PLCB1: variants seen among roughly 807,000 people sequenced by gnomAD.
PLCB1 encodes phospholipase C beta 1, also known as 1-phosphatidylinositol 4,5-bisphosphate phosphodiesterase beta-1.
PLCB1 carries 46 observed loss-of-function variants against 161.8 expected under a neutral mutation model. That is an observed-to-expected ratio of 0.28 (90% confidence interval 0.22 to 0.36). The LOEUF is 0.36. Among genes scored for constraint, PLCB1 ranks in the 10% least tolerant of loss-of-function variants. The probability of loss-of-function intolerance (pLI) is 1.00; values close to 1 mark genes in which losing one functional copy is unlikely to be tolerated. For missense variants in PLCB1, 1,016 were observed against 1,472.5 expected, an observed-to-expected ratio of 0.69 and a Z score of 5.07; for synonymous variants, 517 against 503.7, an observed-to-expected ratio of 1.03 and a Z score of -0.35.
At chr20:8,201,891 C>A (rs1467498724) in intron 2 of PLCB1, among the ~76,000 whole-genome samples, 1 of 152,170 alleles carries the variant, frequency 6.6e-6, no homozygotes, top group African/African-American at 2.4e-5. Flanking sequence ...TTACCTACAA[C>A]ATGAATGAAG....
At chr20:8,510,851 T>G (rs2122849085) in intron 3 of PLCB1, among the ~76,000 whole-genome samples, 1 of 152,346 alleles carries the variant, frequency 6.6e-6, no homozygotes, top group Middle Eastern at 3.4e-3. Context: ...ATTTCATTTT[T>G]TGCAATTTTT....
At chr20:8,793,995 T>C (rs1983896727) in intron 31 of PLCB1, among the ~76,000 whole-genome samples, 1 of 152,224 alleles carries the variant, frequency 6.6e-6, no homozygotes, top group African/African-American at 2.4e-5. Context: ...TTCAGCGATA[T>C]TTCTCCCATT....
chr20:8,620,468 G>A (rs570219559), intron 3 of PLCB1, among the ~76,000 whole-genome samples: 6 of 152,058 alleles, frequency 3.9e-5, no homozygotes, highest in African/African-American at 1.4e-4. Context: ...GGCTGGGCAC[G>A]GTGGCTCACA....
intron 2 of PLCB1, among the ~76,000 whole-genome samples, chr20:8,310,965 G>A (rs985735819): frequency 6.6e-6 from 1 of 152,116 alleles, no homozygotes; most frequent in African/African-American, 2.4e-5. Context: ...TGGGCACCTG[G>A]GTTGATGCCA....
intron 2 of PLCB1, among the ~76,000 whole-genome samples, chr20:8,202,629 C>T (rs1260457649): frequency 6.6e-6 from 1 of 152,114 alleles, no homozygotes; most frequent in African/African-American, 2.4e-5. Context: ...GGTTTGCTTG[C>T]TTGTTTATTT....
chr20:8,568,597 C>T (rs1008041141), intron 3 of PLCB1, among the ~76,000 whole-genome samples: 2 of 152,074 alleles, frequency 1.3e-5, no homozygotes, highest in African/African-American at 4.8e-5. Flanking sequence ...TTTTAAAAGA[C>T]CAGTGTACAC....
At chr20:8,631,865 G>C (rs1396294484) in intron 4 of PLCB1, among the ~76,000 whole-genome samples, 2 of 152,080 alleles carry the variant, frequency 1.3e-5, no homozygotes, top group African/African-American at 4.8e-5. Context: ...CATGTAACTT[G>C]AAAATTAGAG....
At chr20:8,593,721 C>T (rs928992828) in intron 3 of PLCB1, among the ~76,000 whole-genome samples, 1 of 151,670 alleles carries the variant, frequency 6.6e-6, no homozygotes, top group Non-Finnish European at 1.5e-5. Flanking sequence ...TTTTGCAATA[C>T]TAATTTTGAT....
At chr20:8,609,142 A>G (rs1384840774) in intron 3 of PLCB1, among the ~76,000 whole-genome samples, 1 of 152,232 alleles carries the variant, frequency 6.6e-6, no homozygotes, top group Non-Finnish European at 1.5e-5. Flanking sequence ...CAACAGAGCA[A>G]AAATAGTCTT....
chr20:8,263,035 C>T (rs1274770944), intron 2 of PLCB1, among the ~76,000 whole-genome samples: 1 of 152,158 alleles, frequency 6.6e-6, no homozygotes, highest in Non-Finnish European at 1.5e-5. Flanking sequence ...TGGGGGAACA[C>T]ATAAACATTC....
intron 31 of PLCB1, among the ~76,000 whole-genome samples, chr20:8,798,698 G>T (rs558894004): frequency 6.6e-6 from 1 of 152,088 alleles, no homozygotes; most frequent in African/African-American, 2.4e-5. Flanking sequence ...TAAATCAACA[G>T]ATCAGCAACA....
chr20:8,184,899 G>A (rs560582718), intron 2 of PLCB1, among the ~76,000 whole-genome samples: 8 of 151,564 alleles, frequency 5.3e-5, no homozygotes, highest in Admixed American at 1.3e-4. Context: ...CCATCAACCC[G>A]TCATCTGCAT....
intron 3 of PLCB1, among the ~76,000 whole-genome samples, chr20:8,591,517 A>T (rs1214790419): frequency 6.6e-6 from 1 of 152,182 alleles, no homozygotes; most frequent in East Asian, 1.9e-4. Flanking sequence ...CTGACTTCCT[A>T]TGGTACAATT....
rs116923863 is a variant in PLCB1 at position 8,426,568 on chromosome 20, G to A, written c.246+55118G>A. On this transcript the variant is annotated intron_variant, in intron 3 of 31. Transcript: ENST00000338037. ...GAAAGTGAGGAGATGCAGGTCAAAG[G>A]GCACAGAGCAGCAGATATGTAGGAT... Among the ~76,000 whole-genome samples, 112 of 152,204 alleles carry A rather than the reference G, an allele frequency of 7.4e-4. 1 individual carries two copies. Among genetic ancestry groups the A allele is most frequent in the Non-Finnish European group, 1.2e-3 (83 of 67,992 alleles).
At chr20:8,560,225 C>G (rs201265421) in intron 3 of PLCB1, among the ~76,000 whole-genome samples, 1 of 151,898 alleles carries the variant, frequency 6.6e-6, no homozygotes, top group Non-Finnish European at 1.5e-5. Context: ...GTTTGTGGAC[C>G]GAACTTTGAG....
chr20:8,674,370 A>G (rs926967125), intron 9 of PLCB1, among the ~76,000 whole-genome samples: 4 of 152,132 alleles, frequency 2.6e-5, no homozygotes, highest in Admixed American at 6.5e-5. Context: ...CTCACTCTCA[A>G]TTTCTATTTT....
chr20:8,779,556 C>G (rs1259973577), intron 27 of PLCB1, among the ~76,000 whole-genome samples: 1 of 138,918 alleles, frequency 7.2e-6, no homozygotes, highest in Non-Finnish European at 1.5e-5. Context: ...CCCTAGAGCT[C>G]TACATCTAAA....
At chr20:8,555,085 G>C (rs750711467) in intron 3 of PLCB1, among the ~76,000 whole-genome samples, 2 of 152,000 alleles carry the variant, frequency 1.3e-5, no homozygotes, top group Non-Finnish European at 1.5e-5. Context: ...GCATTTGCTT[G>C]GTTGCCTTAA....
Position 8,785,582 on chromosome 20 carries a change from G to T in PLCB1, c.3112-2867G>T, listed in dbSNP as rs115473334. Among the ~76,000 whole-genome samples the T allele has an allele frequency of 7.7e-3, 1,168 of 152,266 alleles. 15 individuals carry two copies. The highest frequency in any genetic ancestry group is 0.027 in the African/African-American group (1,121 of 41,542). ...AAGGGGTAAAGGGCAAATGCAGGGGGTGTGATGGGAGCCAAGAGGGAGGCA... is the reference window on the plus strand; with the variant it reads ...AAGGGGTAAAGGGCAAATGCAGGGGTTGTGATGGGAGCCAAGAGGGAGGCA... On this transcript the variant is annotated intron_variant, in intron 27 of 31. Transcript: ENST00000338037.
Sources: gnomAD v4.1 joint callset for allele counts (sites outside exome capture counted in the v4.1 genomes callset) on GRCh38, gnomAD v4.1.1 for gene constraint, MANE v1.5 for transcripts, NCBI Gene and HGNC (gene_info 2026-07-23, HGNC 2026-07-21) for gene names.